MBNL2: variants seen among roughly 807,000 people sequenced by gnomAD.
The protein encoded by MBNL2 is muscleblind-like protein 2.
A neutral mutation model predicts 41.9 loss-of-function variants in MBNL2; 17 were observed. The observed-to-expected ratio is 0.41, with a 90% CI of 0.28 to 0.61. The LOEUF is 0.61. Among genes scored for constraint, MBNL2 ranks in the 20% least tolerant of loss-of-function variants. MBNL2 has a pLI of 0.35. For synonymous variants in MBNL2, 195 were observed against 182.9 expected, an observed-to-expected ratio of 1.07 and a Z score of -0.53; for missense variants, 336 against 505.6, an observed-to-expected ratio of 0.66 and a Z score of 3.22.
the MBNL2 span, among the ~76,000 whole-genome samples, chr13:97,168,464 A>G: frequency 6.6e-6 from 1 of 152,096 alleles, no homozygotes; most frequent in Non-Finnish European, 1.5e-5. Flanking sequence ...TGCACTCCCC[A>G]TCCTTATCTC....
intron 1 of MBNL2, among the ~76,000 whole-genome samples, chr13:97,262,499 C>T (rs76327860): frequency 0.011 from 1,692 of 152,284 alleles, 29 homozygotes; most frequent in African/African-American, 0.039. Context: ...TCTTTCACCT[C>T]CAAATCACTA....
At chr13:97,150,546 G>A in the MBNL2 span, among the ~76,000 whole-genome samples, 1 of 152,214 alleles carries the variant, frequency 6.6e-6, no homozygotes, top group Non-Finnish European at 1.5e-5. Context: ...AGTTGGTGAA[G>A]ACTTGAATAT....
At chr13:97,198,983 T>G in the MBNL2 span, among the ~76,000 whole-genome samples, 1 of 152,160 alleles carries the variant, frequency 6.6e-6, no homozygotes, top group Admixed American at 6.5e-5. Context: ...TGGCGTCCCA[T>G]GTGACTCAGA....
chr13:97,194,980 G>A, the MBNL2 span, among the ~76,000 whole-genome samples: 1 of 152,176 alleles, frequency 6.6e-6, no homozygotes, highest in Non-Finnish European at 1.5e-5. Flanking sequence ...CCAATCAGCA[G>A]CCCTCAGGTT....
Position 97,366,598 on chromosome 13 carries a change from A to G in MBNL2, c.1048+1427A>G, listed in dbSNP as rs751581579. ...TTCTTTCACAAATCCCAAACTCTAA[A>G]TGAGTGCTGATATTTAAAAAAAAAA... On this transcript the variant is annotated intron_variant, in intron 8 of 8. Transcript: ENST00000679496. This position sits in a 1 kb window ranked among gnomAD's most constrained non-coding sequence, Gnocchi z 4.7. 2.6e-6 allele frequency: 3 copies of G among 1,140,026 alleles called. No individual in the cohort carries two copies. The highest frequency in any genetic ancestry group is 4.0e-6 in the Non-Finnish European group (3 of 756,396). The allele number at this position is 1,140,026 out of a possible 1,614,324, so 70.6% of individuals were successfully genotyped here.
intron 1 of MBNL2, among the ~76,000 whole-genome samples, chr13:97,262,615 A>C (rs1353742437): frequency 6.6e-6 from 1 of 152,096 alleles, no homozygotes; most frequent in Non-Finnish European, 1.5e-5. Context: ...TGGTTTTAGC[A>C]GTCATTTCCA....
chr13:97,174,204 T>C, the MBNL2 span, among the ~76,000 whole-genome samples: 1 of 152,152 alleles, frequency 6.6e-6, no homozygotes, highest in Non-Finnish European at 1.5e-5. Context: ...AGCTGGTGGG[T>C]GGGCAGCTGG....
intron 1 of MBNL2, among the ~76,000 whole-genome samples, chr13:97,266,301 T>G (rs1221060517): frequency 1.3e-5 from 2 of 152,232 alleles, no homozygotes; most frequent in Non-Finnish European, 2.9e-5. Flanking sequence ...TAAAGGTATC[T>G]AAAAGAAAAA....
chr13:97,171,651 A>G, the MBNL2 span, among the ~76,000 whole-genome samples: 3 of 152,134 alleles, frequency 2.0e-5, no homozygotes, highest in South Asian at 6.2e-4. Flanking sequence ...TTTCCCAACC[A>G]AGTCTACCTA....
the MBNL2 span, among the ~76,000 whole-genome samples, chr13:97,187,507 A>G: frequency 6.9e-6 from 1 of 145,818 alleles, no homozygotes; most frequent in Non-Finnish European, 1.5e-5. Context: ...GAGGTCCCAG[A>G]GCCATGCATA....
the MBNL2 span, among the ~76,000 whole-genome samples, chr13:97,215,835 G>C: frequency 5.3e-5 from 8 of 152,248 alleles, no homozygotes; most frequent in African/African-American, 1.9e-4. Flanking sequence ...CTCTACTTTA[G>C]TTATCACTTT....
At chr13:97,302,515 A>G (rs531588247) in intron 2 of MBNL2, among the ~76,000 whole-genome samples, 4 of 152,330 alleles carry the variant, frequency 2.6e-5, no homozygotes, top group African/African-American at 9.6e-5. Flanking sequence ...CACAATGCCA[A>G]TTTCTTTAAA....
upstream of MBNL2, among the ~76,000 whole-genome samples, chr13:97,222,133 T>A (rs1232600539): frequency 6.6e-6 from 1 of 152,214 alleles, no homozygotes; most frequent in Non-Finnish European, 1.5e-5. Context: ...CTATGATTGC[T>A]TTCTTCTGAG....
chr13:97,383,235 G>A (rs922886607), intron 8 of MBNL2, among the ~76,000 whole-genome samples: 2 of 152,152 alleles, frequency 1.3e-5, no homozygotes, highest in African/African-American at 2.4e-5. Context: ...GAGTCAGGGA[G>A]GGGATTATAA....
intron 2 of MBNL2, among the ~76,000 whole-genome samples, chr13:97,276,874 T>C (rs2052260936): frequency 6.6e-6 from 1 of 152,066 alleles, no homozygotes; most frequent in African/African-American, 2.4e-5. Context: ...AAATGTGTCA[T>C]GGCTAACAGA....
intron 1 of MBNL2, 84 bp downstream of exon 1, chr13:97,222,615 A>C (rs2040971467): frequency 2.5e-6 from 1 of 395,414 alleles, no homozygotes; most frequent in Non-Finnish European, 4.5e-6. Flanking sequence ...TACGGGAGCC[A>C]GGGAAACTGG....
upstream of MBNL2, among the ~76,000 whole-genome samples, chr13:97,217,732 A>G (rs571296309): frequency 3.3e-4 from 50 of 152,320 alleles, no homozygotes; most frequent in Admixed American, 1.6e-3. Context: ...GATAATGAGG[A>G]GACATGGAGT....
intron 8 of MBNL2, among the ~76,000 whole-genome samples, chr13:97,388,060 G>A (rs528260630): frequency 2.5e-4 from 38 of 152,216 alleles, no homozygotes; most frequent in African/African-American, 9.1e-4. Context: ...AAGAAGTGAT[G>A]GACAGTTGGT....
the MBNL2 span, among the ~76,000 whole-genome samples, chr13:97,149,629 T>C: frequency 6.6e-6 from 1 of 152,026 alleles, no homozygotes. Context: ...TATTATTACC[T>C]CCAATTTACA....
Sources: gnomAD v4.1 joint callset for allele counts (sites outside exome capture counted in the v4.1 genomes callset) on GRCh38, gnomAD v4.1.1 for gene constraint, Gnocchi (gnomAD v3.1) non-coding constraint, MANE v1.5 for transcripts, NCBI Gene and HGNC (gene_info 2026-07-23, HGNC 2026-07-21) for gene names.